CMTM8: variants seen among roughly 807,000 people sequenced by gnomAD.
CMTM8 encodes CKLF like MARVEL transmembrane domain containing 8.
A neutral mutation model predicts 18.6 loss-of-function variants in CMTM8; 12 were observed. That is an observed-to-expected ratio of 0.65 (90% CI 0.41 to 1.05). CMTM8 has a LOEUF of 1.05. CMTM8 is among the 50% of genes least tolerant of loss of function. The pLI is 0.00. For missense variants in CMTM8, 217 were observed against 227.2 expected (o/e 0.95, Z 0.29); for synonymous variants, 87 against 90.6 (o/e 0.96, Z 0.23).
intron 1 of CMTM8, among the ~76,000 whole-genome samples, chr3:32,255,812 C>T (rs904076850): frequency 6.6e-6 from 1 of 152,118 alleles, no homozygotes; most frequent in East Asian, 1.9e-4. Context: ...GCAGCCTCAA[C>T]ATCCACAGGC....
chr3:32,241,048 A>G (rs1228000509), intron 1 of CMTM8, among the ~76,000 whole-genome samples: 2 of 152,100 alleles, frequency 1.3e-5, no homozygotes, highest in Non-Finnish European at 2.9e-5. Context: ...TTGGCCTCCT[A>G]AGGTGCTGGG....
chr3:32,368,316 A>G (rs1697083327), intron 3 of CMTM8, among the ~76,000 whole-genome samples: 1 of 152,194 alleles, frequency 6.6e-6, no homozygotes, highest in Non-Finnish European at 1.5e-5. Flanking sequence ...CAGAAAATGA[A>G]CAGAATATAA....
chr3:32,341,486 AT>A (rs1696492499), intron 1 of CMTM8, among the ~76,000 whole-genome samples: 1 of 152,084 alleles, frequency 6.6e-6, no homozygotes, highest in African/African-American at 2.4e-5. Context: ...TCTTATGTGG[AT>A]TTTAGAAAAT....
intron 1 of CMTM8, among the ~76,000 whole-genome samples, chr3:32,354,075 T>C (rs571663263): frequency 6.6e-6 from 1 of 152,150 alleles, no homozygotes; most frequent in Non-Finnish European, 1.5e-5. Context: ...TGAGCCACCA[T>C]GCCCGGCTCA....
At chr3:32,339,519 C>T (rs1218909751) in intron 1 of CMTM8, among the ~76,000 whole-genome samples, 1 of 152,168 alleles carries the variant, frequency 6.6e-6, no homozygotes, top group African/African-American at 2.4e-5. Flanking sequence ...TGCTAAGGGC[C>T]AGCTCTCCAT....
intron 2 of CMTM8, among the ~76,000 whole-genome samples, chr3:32,364,955 T>C (rs1227549791): frequency 2.0e-4 from 31 of 152,246 alleles, no homozygotes; most frequent in Admixed American, 2.0e-3. Flanking sequence ...GGGGCTGCTT[T>C]TTTTTCTTCT....
At chr3:32,251,422 T>A (rs1408115360) in intron 1 of CMTM8, among the ~76,000 whole-genome samples, 2 of 152,018 alleles carry the variant, frequency 1.3e-5, no homozygotes, top group East Asian at 3.9e-4. Context: ...CAGGTGATCC[T>A]CCCACCTCAG....
chr3:32,275,100 G>C (rs1194486843), intron 1 of CMTM8, among the ~76,000 whole-genome samples: 1 of 152,024 alleles, frequency 6.6e-6, no homozygotes, highest in Admixed American at 6.6e-5. Context: ...ACCTCCCAAG[G>C]CTCAAGCAGT....
chr3:32,317,260 A>G (rs7615565), intron 1 of CMTM8, among the ~76,000 whole-genome samples: 151,221 of 152,234 alleles, frequency 0.99, 75,118 homozygotes, highest in Middle Eastern at 1. Context: ...GGGACTTCTC[A>G]GTAAATGTTA....
chr3:32,258,755 C>A (rs777998868), intron 1 of CMTM8, among the ~76,000 whole-genome samples: 2 of 152,196 alleles, frequency 1.3e-5, no homozygotes, highest in East Asian at 3.8e-4. Context: ...AAGCAATCCT[C>A]CTGCTTTGGC....
At chr3:32,343,850 C>T (rs1433325480) in intron 1 of CMTM8, among the ~76,000 whole-genome samples, 1 of 152,158 alleles carries the variant, frequency 6.6e-6, no homozygotes, top group Non-Finnish European at 1.5e-5. Flanking sequence ...CAAGCATGTG[C>T]CACCACGCCT....
intron 1 of CMTM8, among the ~76,000 whole-genome samples, chr3:32,356,090 C>G (rs1696809911): frequency 6.6e-6 from 1 of 152,184 alleles, no homozygotes; most frequent in African/African-American, 2.4e-5. Flanking sequence ...ATTTGTATAC[C>G]ACTGTCCTTG....
chr3:32,248,084 A>G (rs1006637627), intron 1 of CMTM8, among the ~76,000 whole-genome samples: 1 of 152,218 alleles, frequency 6.6e-6, no homozygotes, highest in Non-Finnish European at 1.5e-5. Context: ...TCAATGATGT[A>G]TACATTATTT....
intron 1 of CMTM8, among the ~76,000 whole-genome samples, chr3:32,285,545 T>G (rs2054729595): frequency 6.6e-6 from 1 of 151,664 alleles, no homozygotes. Context: ...ATAATAATAC[T>G]AGTAGTACAC....
At chr3:32,250,031 G>GTTCAT (rs1559361324) in intron 1 of CMTM8, among the ~76,000 whole-genome samples, 1 of 152,034 alleles carries the variant, frequency 6.6e-6, no homozygotes, top group Non-Finnish European at 1.5e-5. Flanking sequence ...TCTATGATTC[G>GTTCAT]TTTTGAGTTC....
chr3:32,261,769 A>G (rs971848164), intron 1 of CMTM8, among the ~76,000 whole-genome samples: 5 of 152,294 alleles, frequency 3.3e-5, no homozygotes, highest in African/African-American at 1.2e-4. Context: ...TGAGTCAACC[A>G]CACCCTTGTG....
At chr3:32,349,756 C>T (rs531013708) in intron 1 of CMTM8, among the ~76,000 whole-genome samples, 1 of 152,058 alleles carries the variant, frequency 6.6e-6, no homozygotes, top group Admixed American at 6.5e-5. Flanking sequence ...ACCTGTAATC[C>T]CAGCACTTTA....
chr3:32,357,328 C>A, intron 1 of CMTM8, 45 bp from the exon 2 acceptor site: 1 of 1,392,460 alleles, frequency 7.2e-7, no homozygotes, highest in Non-Finnish European at 9.8e-7. Context: ...TTTTCTTTAT[C>A]TTCTACTGTC....
chr3:32,284,314 A>T (rs1014481505), intron 1 of CMTM8, among the ~76,000 whole-genome samples: 1 of 152,212 alleles, frequency 6.6e-6, no homozygotes. Flanking sequence ...AAGAGTGGAA[A>T]ACAAGAAACC....
Sources: gnomAD v4.1 joint callset for allele counts (sites outside exome capture counted in the v4.1 genomes callset) on GRCh38, gnomAD v4.1.1 for gene constraint, MANE v1.5 for transcripts, NCBI Gene and HGNC (gene_info 2026-07-23, HGNC 2026-07-21) for gene names.